Variants in TRAPPC9 observed in about 807,000 individuals in gnomAD.
The protein encoded by TRAPPC9 is IKK2 binding protein.
A neutral mutation model predicts 124.0 loss-of-function variants in TRAPPC9; 83 were observed. The observed-to-expected ratio is 0.67, with a 90% CI of 0.56 to 0.80. The LOEUF (loss-of-function observed/expected upper bound fraction) is 0.80, where lower values mean the gene tolerates loss of function less well. Among genes scored for constraint, TRAPPC9 ranks in the 30% least tolerant of loss-of-function variants. TRAPPC9 has a pLI of 0.00. For missense variants in TRAPPC9, 1,302 were observed against 1,508.3 expected (o/e 0.86, Z 2.27); for synonymous variants, 638 against 617.5 (o/e 1.03, Z -0.49).
intron 7 of TRAPPC9, among the ~76,000 whole-genome samples, chr8:140,376,426 G>T (rs888138456): frequency 6.6e-6 from 1 of 151,854 alleles, no homozygotes. Context: ...CGTGGTGGCA[G>T]GCACCTGTAG....
chr8:140,351,482 T>C (rs1043798378), intron 9 of TRAPPC9, among the ~76,000 whole-genome samples: 1 of 151,906 alleles, frequency 6.6e-6, no homozygotes, highest in East Asian at 2.0e-4. Context: ...TTAAACCATA[T>C]AGGAGGCTGG....
chr8:140,023,264 T>G (rs1839924848), intron 18 of TRAPPC9, among the ~76,000 whole-genome samples: 1 of 152,150 alleles, frequency 6.6e-6, no homozygotes, highest in Non-Finnish European at 1.5e-5. Flanking sequence ...GCTTCTAGAT[T>G]CCACTACTCC....
intron 19 of TRAPPC9, among the ~76,000 whole-genome samples, chr8:139,936,346 G>C (rs563511215): frequency 3.9e-5 from 6 of 152,362 alleles, no homozygotes; most frequent in African/African-American, 1.2e-4. Context: ...TGCCAGCTCT[G>C]CCAGGAGCAC....
intron 17 of TRAPPC9, among the ~76,000 whole-genome samples, chr8:140,145,107 C>A (rs1382963098): frequency 6.6e-6 from 1 of 151,862 alleles, no homozygotes; most frequent in Non-Finnish European, 1.5e-5. Flanking sequence ...AACTCCTGAC[C>A]TCAGGTGATC....
chr8:140,396,999 C>T (rs559215841), intron 7 of TRAPPC9, among the ~76,000 whole-genome samples: 20 of 152,280 alleles, frequency 1.3e-4, no homozygotes, highest in Non-Finnish European at 2.6e-4. Flanking sequence ...CAGTGACCTA[C>T]GTTCTCATAC....
At chr8:140,073,406 G>C (rs565125553) in intron 17 of TRAPPC9, among the ~76,000 whole-genome samples, 5 of 152,222 alleles carry the variant, frequency 3.3e-5, no homozygotes, top group African/African-American at 1.2e-4. Flanking sequence ...ACAACAACTG[G>C]GATAATCTCA....
intron 15 of TRAPPC9, among the ~76,000 whole-genome samples, chr8:140,275,118 C>G (rs1339339815): frequency 6.6e-6 from 1 of 152,172 alleles, no homozygotes; most frequent in African/African-American, 2.4e-5. Flanking sequence ...CTAGTTCACT[C>G]TTGTAATGTA....
intron 15 of TRAPPC9, among the ~76,000 whole-genome samples, chr8:140,266,907 A>G (rs184612420): frequency 6.6e-6 from 1 of 152,270 alleles, no homozygotes; most frequent in East Asian, 1.9e-4. Context: ...GGAATTTGTG[A>G]ACACAGGGAC....
In TRAPPC9 at chr8:140,018,485, G is replaced by A. The variant is rs187626667; in HGVS notation, c.2699+5452C>T. Among the ~76,000 whole-genome samples, 521 of 151,656 alleles carry A rather than the reference G, an allele frequency of 3.4e-3. 10 individuals carry two copies. In the East Asian group the frequency reaches 0.047, roughly 14 times the overall value. On this transcript the variant is annotated intron_variant, in intron 18 of 22. Transcript: ENST00000438773. ...ACTACAGGTGCCCACCACCACGCCC[G>A]GCTAATTTTGTTTTTGTATTTTTAG...
intron 17 of TRAPPC9, among the ~76,000 whole-genome samples, chr8:140,183,691 C>A (rs1384664290): frequency 3.3e-5 from 5 of 151,258 alleles, no homozygotes; most frequent in Non-Finnish European, 7.4e-5. Flanking sequence ...AACGTCTCTA[C>A]TAAAAATACA....
At chr8:139,885,236 TG>T (rs1829926843) in intron 21 of TRAPPC9, among the ~76,000 whole-genome samples, 1 of 152,240 alleles carries the variant, frequency 6.6e-6, no homozygotes, top group Non-Finnish European at 1.5e-5. Flanking sequence ...AAAATATTTT[TG>T]AGTTCAATGT....
intron 10 of TRAPPC9, among the ~76,000 whole-genome samples, chr8:140,308,016 T>C (rs936120467): frequency 1.3e-5 from 2 of 152,216 alleles, no homozygotes; most frequent in African/African-American, 4.8e-5. Context: ...TAGTCATTTC[T>C]ACTTGGGTGG....
chr8:139,874,610 G>C (rs187557614), intron 21 of TRAPPC9, among the ~76,000 whole-genome samples: 13 of 152,314 alleles, frequency 8.5e-5, no homozygotes, highest in Admixed American at 7.8e-4. Context: ...TGAAGGCCTG[G>C]GGGGAGCATG....
At chr8:139,956,960 A>C (rs1212497097) in intron 19 of TRAPPC9, among the ~76,000 whole-genome samples, 1 of 152,266 alleles carries the variant, frequency 6.6e-6, no homozygotes, top group Non-Finnish European at 1.5e-5. Context: ...ACACCGGATA[A>C]GGCCCTGAGG....
chr8:140,373,881 T>C (rs2068357647), intron 7 of TRAPPC9, among the ~76,000 whole-genome samples: 2 of 152,260 alleles, frequency 1.3e-5, no homozygotes, highest in African/African-American at 4.8e-5. Flanking sequence ...GTTTGTTTTA[T>C]TACTGAGTCG....
At chr8:140,325,807 A>C (rs780625979) in intron 9 of TRAPPC9, among the ~76,000 whole-genome samples, 2 of 152,224 alleles carry the variant, frequency 1.3e-5, no homozygotes, top group Non-Finnish European at 2.9e-5. Flanking sequence ...CTAAAAGAAT[A>C]AACTTAGACA....
chr8:139,840,434 C>A (rs1320379968), intron 21 of TRAPPC9, among the ~76,000 whole-genome samples: 3 of 152,246 alleles, frequency 2.0e-5, no homozygotes, highest in Non-Finnish European at 4.4e-5. Context: ...ATGCTTAAAT[C>A]TTCATGGCAA....
intron 18 of TRAPPC9, among the ~76,000 whole-genome samples, chr8:139,999,772 T>C (rs1838271033): frequency 6.6e-6 from 1 of 152,190 alleles, no homozygotes; most frequent in Non-Finnish European, 1.5e-5. Flanking sequence ...AAAGCTAGAA[T>C]AACTCCAACT....
rs1395955136 is a variant in TRAPPC9 at position 140,455,559 on chromosome 8, T to C, written c.-11+2080A>G. On this transcript the variant is annotated intron_variant, in intron 1 of 22. Coordinates refer to ENST00000438773, the MANE Select transcript of TRAPPC9 (RefSeq NM_001160372.4). ...GATTCTACTGCCTCAGCCTCCCAAGTAGCTGGGACTACAGGCGCCCACCAC... is the reference window on the plus strand; with the variant it reads ...GATTCTACTGCCTCAGCCTCCCAAGCAGCTGGGACTACAGGCGCCCACCAC... 2.6e-5 allele frequency among the ~76,000 whole-genome samples: 4 copies of C among 152,214 alleles called. No individual in the cohort carries two copies. In the East Asian group the frequency reaches 7.7e-4, roughly 29 times the overall value.
Sources: gnomAD v4.1 joint callset for allele counts (sites outside exome capture counted in the v4.1 genomes callset) on GRCh38, gnomAD v4.1.1 for gene constraint, MANE v1.5 for transcripts, NCBI Gene and HGNC (gene_info 2026-07-23, HGNC 2026-07-21) for gene names.